The following ATP11C variants were observed in gnomAD, a reference collection of about 807,000 sequenced individuals.
ATP11C encodes the protein phospholipid-transporting ATPase IG.
In ATP11C, 36 loss-of-function variants were observed where a neutral mutation model predicts 97.4. The ratio of observed to expected loss-of-function variants is 0.37; its 90% CI spans 0.28 to 0.49. The LOEUF is 0.49. Among genes scored for constraint, ATP11C ranks in the 20% least tolerant of loss-of-function variants. The pLI, the probability that ATP11C is intolerant of heterozygous loss-of-function variation, is 0.98. For synonymous variants in ATP11C, 275 were observed against 290.9 expected, an observed-to-expected ratio of 0.95 and a Z score of 0.56; for missense variants, 730 against 824.6, an observed-to-expected ratio of 0.89 and a Z score of 1.40.
At position 139,750,161 on chromosome X, in the gene ATP11C, A is replaced by G; in HGVS notation, c.2701-9T>C. ...GCAGCATCATACAGTGGCTAAAATG[A>G]AAAACAACAGAGGAAAGAAAGAAAT... On this transcript the variant is annotated splice_polypyrimidine_tract_variant and intron_variant, in intron 23 of 29. Coordinates refer to ENST00000682941, the MANE Select transcript of ATP11C (RefSeq NM_001353812.2). The G allele has an allele frequency of 3.4e-6, 4 of 1,168,699 alleles. No individual in the cohort carries two copies. Among genetic ancestry groups the G allele is most frequent in the Non-Finnish European group, 4.6e-6 (4 of 866,369 alleles).
At chrX:139,738,337 C>T (rs1449016674) in intron 27 of ATP11C, among the ~76,000 whole-genome samples, 4 of 111,694 alleles carry the variant, frequency 3.6e-5, no homozygotes, top group African/African-American at 1.3e-4. Context: ...TGCCAACTGG[C>T]GACTATTTAT....
chrX:139,872,287 G>A (rs1326106041), intron 1 of ATP11C, among the ~76,000 whole-genome samples: 1 of 99,851 alleles, frequency 1.0e-5, no homozygotes, highest in Non-Finnish European at 2.0e-5. Context: ...AAAAATGTGG[G>A]GGGGGGGAGG....
chrX:139,927,744 G>GA (rs745848984), intron 1 of ATP11C, among the ~76,000 whole-genome samples: 5,797 of 102,122 alleles, frequency 0.057, 399 homozygotes, highest in African/African-American at 0.19. Context: ...CAAAAAAAAG[G>GA]AAAAAAAAAA....
chrX:139,750,218 T>C, intron 23 of ATP11C, 66 bp from the exon 24 acceptor site: 2 of 1,048,655 alleles, frequency 1.9e-6, no homozygotes. Flanking sequence ...AGATGATACT[T>C]ATGTATGTGA....
chrX:139,852,493 G>A (rs373125607), intron 1 of ATP11C, among the ~76,000 whole-genome samples: 8 of 70,520 alleles, frequency 1.1e-4, no homozygotes, highest in Non-Finnish European at 2.1e-4. Context: ...ACTGGCCAGC[G>A]ACCTAGCTTA....
intron 1 of ATP11C, among the ~76,000 whole-genome samples, chrX:139,853,391 G>C (rs1176045764): frequency 9.1e-6 from 1 of 109,597 alleles, no homozygotes; most frequent in African/African-American, 3.3e-5. Context: ...GGAAGAGAGA[G>C]AAGAGGCAAA....
chrX:139,743,649 G>GTTT, intron 25 of ATP11C, 25 bp from the exon 26 acceptor site: 1 of 974,895 alleles, frequency 1.0e-6, no homozygotes, highest in Non-Finnish European at 1.4e-6. Context: ...ATAATTACAT[G>GTTT]TACCATGTAT....
chrX:139,749,939 C>T, intron 24 of ATP11C, 86 bp downstream of exon 24: 1 of 956,902 alleles, frequency 1.0e-6, no homozygotes, highest in Non-Finnish European at 1.4e-6. Flanking sequence ...ACCAAGTGCA[C>T]AGTTCTGTGT....
At position 139,728,797 on chromosome X, in the gene ATP11C, G is replaced by T; in HGVS notation, c.*169C>A. On this transcript the variant is annotated 3_prime_UTR_variant, in exon 30 of 30. Coordinates refer to ENST00000682941, the MANE Select transcript of ATP11C (RefSeq NM_001353812.2). ...TAAGAGAATCATTTGGTATTTTAAT[G>T]AACATTTATTGTGAACTCTAGACAT... is the stretch of plus-strand genomic sequence containing the variant. 1 of 573,034 alleles carries T rather than the reference G, an allele frequency of 1.7e-6. No individual in the cohort carries two copies. Among genetic ancestry groups the T allele is most frequent in the South Asian group, 3.9e-5 (1 of 25,821 alleles). The allele number at this position is 573,034 out of a possible 1,213,427, so 47.2% of individuals were successfully genotyped here.
chrX:139,874,797 G>A (rs1279942217), intron 1 of ATP11C, among the ~76,000 whole-genome samples: 1 of 112,124 alleles, frequency 8.9e-6, no homozygotes, highest in Non-Finnish European at 1.9e-5. Flanking sequence ...ACAATGTGGG[G>A]AATTTGAGGA....
chrX:139,758,191 C>T (rs1194686498), intron 22 of ATP11C, among the ~76,000 whole-genome samples: 1 of 112,116 alleles, frequency 8.9e-6, no homozygotes, highest in African/African-American at 3.2e-5. Flanking sequence ...ATTAGATTTG[C>T]AAATCATATA....
intron 24 of ATP11C, among the ~76,000 whole-genome samples, chrX:139,746,178 T>G (rs1451029329): frequency 1.8e-5 from 2 of 111,822 alleles, no homozygotes; most frequent in Non-Finnish European, 3.8e-5. Flanking sequence ...AGACATTATT[T>G]TTATCCACAT....
chrX:139,760,962 A>G (rs1259261057), intron 22 of ATP11C, among the ~76,000 whole-genome samples: 1 of 112,057 alleles, frequency 8.9e-6, no homozygotes, highest in African/African-American at 3.2e-5. Flanking sequence ...TGAACACATT[A>G]TAAGTAACTG....
At chrX:139,757,053 T>C (rs756983547) in intron 23 of ATP11C, among the ~76,000 whole-genome samples, 16 of 107,976 alleles carry the variant, frequency 1.5e-4, no homozygotes, top group Non-Finnish European at 2.5e-4. Flanking sequence ...AATACATAAG[T>C]GTATTCATAA....
intron 1 of ATP11C, among the ~76,000 whole-genome samples, chrX:139,897,017 C>G (rs1325535997): frequency 9.0e-6 from 1 of 110,594 alleles, no homozygotes; most frequent in Non-Finnish European, 1.9e-5. Flanking sequence ...GGCTTGAGCT[C>G]AGGAGTTCAA....
At chrX:139,801,186 T>C (rs774484276) in intron 7 of ATP11C, among the ~76,000 whole-genome samples, 2 of 112,484 alleles carry the variant, frequency 1.8e-5, no homozygotes, top group Non-Finnish European at 1.9e-5. Flanking sequence ...GGTATAGATA[T>C]TGTTCTCTAG....
At chrX:139,758,349 T>C (rs1048593783) in intron 22 of ATP11C, among the ~76,000 whole-genome samples, 1 of 111,924 alleles carries the variant, frequency 8.9e-6, no homozygotes, top group Non-Finnish European at 1.9e-5. Flanking sequence ...CAACATATCA[T>C]TACTGAGCAT....
intron 1 of ATP11C, among the ~76,000 whole-genome samples, chrX:139,866,610 C>T (rs1479532303): frequency 9.1e-6 from 1 of 109,665 alleles, no homozygotes; most frequent in Non-Finnish European, 1.9e-5. Context: ...CCCAGGTACT[C>T]GGGAGGCTGA....
At position 139,768,393 on chromosome X, in the gene ATP11C, C is replaced by A; in HGVS notation, c.2258G>T (p.Gly753Val). Residue 753 changes from glycine (G) to valine (V), a missense_variant, in exon 20 of 30, where the codon GGC becomes GTC. By Grantham distance (109) the Gly-to-Val change is moderately radical. Coordinates refer to ENST00000682941, the MANE Select transcript of ATP11C (RefSeq NM_001353812.2). ...ATTTAGTATGAGTGACAATGTGGAG[C>A]CATCTATGATTAATCCATATTCCTG... ...EHQEYGLIID[G>V]STLSLILNSS... 8.6e-7 allele frequency: 1 copy of A among 1,159,622 alleles called. No homozygotes were observed. Among genetic ancestry groups the A allele is most frequent in the Non-Finnish European group, 1.2e-6 (1 of 866,541 alleles).
Sources: gnomAD v4.1 joint callset for allele counts (sites outside exome capture counted in the v4.1 genomes callset) on GRCh38, gnomAD v4.1.1 for gene constraint, MANE v1.5 for transcripts, NCBI Gene and HGNC (gene_info 2026-07-23, HGNC 2026-07-21) for gene names.